The following FAM13A variants were observed in gnomAD, a reference collection of about 807,000 sequenced individuals.
FAM13A encodes protein FAM13A.
Under a neutral mutation model 129.6 loss-of-function variants are expected in FAM13A, and 76 were observed. The ratio of observed to expected loss-of-function variants is 0.59; its 90% CI spans 0.49 to 0.71. The LOEUF is 0.71. FAM13A is among the 30% of genes least tolerant of loss of function. FAM13A has a pLI of 0.00. For synonymous variants in FAM13A, 443 were observed against 449.9 expected, an observed-to-expected ratio of 0.98 and a Z score of 0.20; for missense variants, 1,108 against 1,249.3, an observed-to-expected ratio of 0.89 and a Z score of 1.70.
rs151287972 is a variant in FAM13A, at chr4:88,743,915, C to T, written c.2466+3017G>A. On this transcript the variant is annotated intron_variant, in intron 19 of 23. Transcript: ENST00000264344. ...TTTGAGTTTGTGTGTGAGGGCTATACCTCTGAATCATCAAACTGCTAGAAG... is the reference window on the plus strand; with the variant it reads ...TTTGAGTTTGTGTGTGAGGGCTATATCTCTGAATCATCAAACTGCTAGAAG... 1.8e-3 allele frequency among the ~76,000 whole-genome samples: 276 copies of T among 152,250 alleles called. 1 individual carries two copies. The highest frequency in any genetic ancestry group is 5.8e-3 in the African/African-American group (239 of 41,556).
chr4:89,031,972 C>T (rs946414531), intron 1 of FAM13A, among the ~76,000 whole-genome samples: 9 of 152,146 alleles, frequency 5.9e-5, no homozygotes, highest in African/African-American at 2.2e-4. Context: ...GTAATCCCAG[C>T]ACTTTGGGAG....
chr4:88,801,742 AAAG>A (rs1727496907), intron 8 of FAM13A, among the ~76,000 whole-genome samples: 2 of 152,176 alleles, frequency 1.3e-5, no homozygotes, highest in Non-Finnish European at 2.9e-5. Context: ...AGGAATTTGT[AAAG>A]AAGGAGTTCA....
intron 5 of FAM13A, 79 bp from the exon 6 acceptor site, chr4:88,906,541 A>C: frequency 1.1e-6 from 1 of 904,450 alleles, no homozygotes. Flanking sequence ...AGTGAAAAAC[A>C]GTTTTGAAGA....
chr4:88,741,060 C>G (rs1229013430), intron 19 of FAM13A, among the ~76,000 whole-genome samples: 8 of 152,320 alleles, frequency 5.3e-5, no homozygotes, highest in Middle Eastern at 6.8e-3. Context: ...CTGGAACTCT[C>G]CTTCACTGCT....
rs1059122 is a variant in FAM13A, at chr4:88,726,273, T to A, written c.*2260A>T. The A allele has an allele frequency of 0.46, 69,478 of 152,030 alleles. 19,026 individuals carry two copies. Among genetic ancestry groups the A allele is most frequent in the African/African-American group, 0.77 (31,771 of 41,476 alleles). 9.4% of individuals were successfully genotyped at this position (152,030 alleles called of 1,614,324 possible). A position where few individuals can be genotyped will look rare whatever the true frequency, so the allele number is the denominator to read the frequency against. On this transcript the variant is annotated 3_prime_UTR_variant, in exon 24 of 24. Coordinates refer to ENST00000264344, the MANE Select transcript of FAM13A (RefSeq NM_014883.4). ...TGTGAAAAGGGCTTCCTCTCATTTC[T>A]TCTGGGCTCCATTCCATGAAGAATA...
In FAM13A at chr4:88,853,820, C is replaced by T. The variant is rs543873896; in HGVS notation, c.844-2637G>A. 1.7e-4 allele frequency among the ~76,000 whole-genome samples: 26 copies of T among 152,324 alleles called. No individual in the cohort carries two copies. In the South Asian group the frequency reaches 5.0e-3, roughly 29 times the overall value. On this transcript the variant is annotated intron_variant, in intron 6 of 23. Coordinates refer to ENST00000264344, the MANE Select transcript of FAM13A (RefSeq NM_014883.4). ...GCTGCCAGCTCAGCTAGGATAAAAG[C>T]AGGCAGAGGAACGTGGAAGGACTAG...
At chr4:88,940,938 G>A (rs1440275612) in intron 4 of FAM13A, among the ~76,000 whole-genome samples, 1 of 152,228 alleles carries the variant, frequency 6.6e-6, no homozygotes, top group Admixed American at 6.5e-5. Flanking sequence ...CAAAGGGACA[G>A]AGAGGATACA....
intron 1 of FAM13A, among the ~76,000 whole-genome samples, chr4:89,052,885 C>T (rs1392623626): frequency 6.6e-6 from 1 of 152,010 alleles, no homozygotes; most frequent in Non-Finnish European, 1.5e-5. Flanking sequence ...CAGGAGAAAC[C>T]AAGGGGGAGG....
intron 5 of FAM13A, among the ~76,000 whole-genome samples, chr4:88,924,774 A>G (rs1467490481): frequency 1.3e-5 from 2 of 151,560 alleles, no homozygotes; most frequent in African/African-American, 4.8e-5. Flanking sequence ...GGCAACCTAC[A>G]AAATGGGAGA....
chr4:89,044,206 T>C (rs993012965), intron 1 of FAM13A, among the ~76,000 whole-genome samples: 4 of 152,118 alleles, frequency 2.6e-5, no homozygotes, highest in Non-Finnish European at 5.9e-5. Flanking sequence ...ATTCAAAATA[T>C]GTAAAGAATT....
intron 5 of FAM13A, among the ~76,000 whole-genome samples, chr4:88,915,953 C>T (rs187852116): frequency 4.4e-4 from 67 of 152,170 alleles, no homozygotes; most frequent in Admixed American, 1.4e-3. Context: ...AGCAGCCTGA[C>T]GCCCTTGCCA....
At chr4:88,864,443 T>C (rs1274309259) in intron 6 of FAM13A, among the ~76,000 whole-genome samples, 2 of 152,258 alleles carry the variant, frequency 1.3e-5, no homozygotes, top group East Asian at 1.9e-4. Flanking sequence ...AGAGTCTTGC[T>C]CTGTCACCAG....
At chr4:89,030,693 G>A (rs1256580645) in intron 1 of FAM13A, among the ~76,000 whole-genome samples, 1 of 152,124 alleles carries the variant, frequency 6.6e-6, no homozygotes, top group African/African-American at 2.4e-5. Flanking sequence ...AAAAGTCAGA[G>A]AACTAGTAAG....
Position 88,728,293 on chromosome 4 carries a change from G to C in FAM13A, c.*240C>G, listed in dbSNP as rs1217096329. 10 of 564,534 alleles carry C rather than the reference G, an allele frequency of 1.8e-5. No individual in the cohort carries two copies. Among genetic ancestry groups the C allele is most frequent in the Non-Finnish European group, 3.2e-5 (10 of 314,570 alleles). The allele number at this position is 564,534 out of a possible 1,614,324, so 35.0% of individuals were successfully genotyped here. ...TGTGTGCGTGCATGCGCGTGCGCAT[G>C]TGCACATACTGCAGTCTTGACTTTC... On this transcript the variant is annotated 3_prime_UTR_variant, in exon 24 of 24. Transcript: ENST00000264344.
chr4:88,825,561 T>C (rs1732860165), intron 7 of FAM13A, among the ~76,000 whole-genome samples: 1 of 152,158 alleles, frequency 6.6e-6, no homozygotes. Flanking sequence ...AAATAGTTAA[T>C]ATTCAAGTGA....
intron 4 of FAM13A, among the ~76,000 whole-genome samples, chr4:88,959,026 A>G (rs1310040500): frequency 6.6e-6 from 1 of 152,072 alleles, no homozygotes; most frequent in Non-Finnish European, 1.5e-5. Context: ...CTTTTGGTTG[A>G]TTTTTCCCAT....
At chr4:89,025,660 G>A (rs972043086) in intron 2 of FAM13A, among the ~76,000 whole-genome samples, 14 of 152,096 alleles carry the variant, frequency 9.2e-5, no homozygotes, top group Non-Finnish European at 1.8e-4. Flanking sequence ...GTGGTAGAAC[G>A]GTGTGCAGAG....
chr4:88,888,793 G>A (rs922122940), intron 6 of FAM13A, among the ~76,000 whole-genome samples: 14 of 151,476 alleles, frequency 9.2e-5, no homozygotes, highest in East Asian at 3.9e-4. Flanking sequence ...AAAATTAGCC[G>A]GGTGTGTTGG....
rs552224149 is a variant in FAM13A, at chr4:89,036,087, T to C, written c.28-6438A>G. Among the ~76,000 whole-genome samples the C allele has an allele frequency of 4.6e-5, 7 of 152,278 alleles. No homozygotes were observed. The East Asian group carries it at 1.4e-3, about 29-fold the overall frequency. On this transcript the variant is annotated intron_variant, in intron 1 of 23. Coordinates refer to ENST00000264344, the MANE Select transcript of FAM13A (RefSeq NM_014883.4). ...TGAAAGCAGCTTTGGAAGTGGGTAA[T>C]GTTCAGCGGTTGGAACAGTTTGGAG...
Sources: allele counts gnomAD v4.1 joint callset (sites outside exome capture counted in the v4.1 genomes callset), GRCh38; gene constraint gnomAD v4.1.1; transcripts MANE v1.5; gene names NCBI Gene and HGNC (gene_info 2026-07-23, HGNC 2026-07-21).